STAG1: variants seen among roughly 807,000 people sequenced by gnomAD.
STAG1 encodes cohesin subunit SA-1.
STAG1 carries 26 observed loss-of-function variants against 170.9 expected under a neutral mutation model. That is an observed-to-expected ratio of 0.15 (90% confidence interval 0.11 to 0.21). STAG1 has a LOEUF of 0.21. Among genes scored for constraint, STAG1 ranks in the 10% least tolerant of loss-of-function variants. STAG1 has a pLI of 1.00. For synonymous variants in STAG1, 514 were observed against 497.7 expected (o/e 1.03, Z -0.44); for missense variants, 964 against 1,509.5 (o/e 0.64, Z 5.99).
At chr3:136,464,488 A>G (rs984659712) in intron 13 of STAG1, among the ~76,000 whole-genome samples, 2 of 152,156 alleles carry the variant, frequency 1.3e-5, no homozygotes, top group African/African-American at 4.8e-5. Context: ...GAAAATTTGG[A>G]AGGCATTTTA....
chr3:136,594,221 T>C (rs762343316), intron 4 of STAG1, among the ~76,000 whole-genome samples: 2 of 152,168 alleles, frequency 1.3e-5, no homozygotes, highest in African/African-American at 4.8e-5. Flanking sequence ...GGTATAGTCA[T>C]AGAGTAAAAC....
chr3:136,598,103 T>C (rs1938510493), intron 4 of STAG1, among the ~76,000 whole-genome samples: 1 of 152,216 alleles, frequency 6.6e-6, no homozygotes, highest in East Asian at 1.9e-4. Flanking sequence ...AAAGATTTTC[T>C]AATATTAAAC....
chr3:136,714,950 T>C (rs1485408225), intron 1 of STAG1, among the ~76,000 whole-genome samples: 2 of 74,556 alleles, frequency 2.7e-5, no homozygotes, highest in Non-Finnish European at 3.2e-5. Flanking sequence ...TATATATATA[T>C]ATATATATAT....
intron 1 of STAG1, among the ~76,000 whole-genome samples, chr3:136,709,080 A>C (rs1438014810): frequency 1.3e-5 from 2 of 148,906 alleles, no homozygotes; most frequent in African/African-American, 4.9e-5. Flanking sequence ...ACATGAGGTC[A>C]GGGGTTCAAG....
chr3:136,733,274 C>T (rs1359012458), intron 1 of STAG1, among the ~76,000 whole-genome samples: 2 of 151,592 alleles, frequency 1.3e-5, no homozygotes, highest in Non-Finnish European at 2.9e-5. Context: ...TTTGTAGAGA[C>T]AGGGTTTCGC....
chr3:136,539,478 A>C (rs1935791857), intron 6 of STAG1, among the ~76,000 whole-genome samples: 1 of 152,222 alleles, frequency 6.6e-6, no homozygotes, highest in African/African-American at 2.4e-5. Context: ...CACTAAATGA[A>C]TATATTAAAT....
At position 136,477,422 on chromosome 3, in the gene STAG1, GAA is replaced by G. The variant is rs760695788; in HGVS notation, c.903-12_903-11del. On this transcript the variant is annotated splice_polypyrimidine_tract_variant and intron_variant, in intron 9 of 33. Transcript: ENST00000383202. ...CTCAGCAATAGCATCACTAGAGAGA[GAA>G]AAAAAAGACAATCTCAAATTAATAT... 7 of 1,577,862 alleles carry G rather than the reference GAA, an allele frequency of 4.4e-6. No individual in the cohort carries two copies. Among genetic ancestry groups the G allele is most frequent in the South Asian group, 1.2e-5 (1 of 84,534 alleles).
At position 136,647,342 on chromosome 3, in the gene STAG1, G is replaced by A. The variant is rs567675828; in HGVS notation, c.-83-16361C>T. Among the ~76,000 whole-genome samples, 104 of 152,262 alleles carry A rather than the reference G, an allele frequency of 6.8e-4. 1 individual carries two copies. In the South Asian group the frequency reaches 0.021, roughly 31 times the overall value. Reference sequence around the variant, plus strand: ...TCCCAGCACTTTGGGAGGCCCAGGCGGGCGATCACCTGAGGTCAGGAGTTT... The same window carrying A: ...TCCCAGCACTTTGGGAGGCCCAGGCAGGCGATCACCTGAGGTCAGGAGTTT... On this transcript the variant is annotated intron_variant, in intron 1 of 33. Coordinates refer to ENST00000383202, the MANE Select transcript of STAG1 (RefSeq NM_005862.3).
chr3:136,564,077 T>A (rs1402654192), intron 5 of STAG1, among the ~76,000 whole-genome samples: 1 of 152,150 alleles, frequency 6.6e-6, no homozygotes, highest in Non-Finnish European at 1.5e-5. Flanking sequence ...TTCCTCATTC[T>A]TTTTTACAGT....
At chr3:136,404,716 A>G (rs907575505) in intron 21 of STAG1, among the ~76,000 whole-genome samples, 5 of 152,206 alleles carry the variant, frequency 3.3e-5, no homozygotes, top group African/African-American at 1.2e-4. Flanking sequence ...GCTTGTGGCT[A>G]ATGACAGATA....
intron 1 of STAG1, among the ~76,000 whole-genome samples, chr3:136,668,717 G>A (rs1002702543): frequency 7.9e-5 from 12 of 152,120 alleles, no homozygotes; most frequent in South Asian, 4.1e-4. Context: ...TGGTCAGACC[G>A]TAGTATCTAC....
chr3:136,474,592 G>A (rs2089699761), intron 10 of STAG1, among the ~76,000 whole-genome samples: 3 of 152,182 alleles, frequency 2.0e-5, no homozygotes, highest in Admixed American at 1.3e-4. Flanking sequence ...AGATGTCAAT[G>A]AACTCATTTA....
intron 7 of STAG1, among the ~76,000 whole-genome samples, chr3:136,505,766 A>G (rs1933727469): frequency 6.6e-6 from 1 of 152,212 alleles, no homozygotes; most frequent in African/African-American, 2.4e-5. Context: ...CACGTCAGTT[A>G]ATGATTAAGG....
chr3:136,439,485 T>C (rs1249516976), intron 15 of STAG1, among the ~76,000 whole-genome samples: 2 of 151,120 alleles, frequency 1.3e-5, no homozygotes, highest in Non-Finnish European at 2.9e-5. Context: ...TTTAAACTGA[T>C]GTTGGTAGTC....
intron 1 of STAG1, among the ~76,000 whole-genome samples, chr3:136,703,388 T>A (rs1943135028): frequency 6.6e-6 from 1 of 152,192 alleles, no homozygotes; most frequent in Non-Finnish European, 1.5e-5. Flanking sequence ...GATGTCAGGG[T>A]GGACAATAAG....
At chr3:136,508,263 T>G (rs1374719693) in intron 7 of STAG1, among the ~76,000 whole-genome samples, 1 of 152,194 alleles carries the variant, frequency 6.6e-6, no homozygotes, top group Non-Finnish European at 1.5e-5. Flanking sequence ...TTTTGTATGG[T>G]TAACACCTAT....
At chr3:136,568,639 A>AG in intron 5 of STAG1, 126 bp downstream of exon 5, 1 of 714,684 alleles carries the variant, frequency 1.4e-6, no homozygotes, top group Non-Finnish European at 2.4e-6. Flanking sequence ...ATTCTCTATC[A>AG]GAAAAAGATT....
intron 1 of STAG1, among the ~76,000 whole-genome samples, chr3:136,713,068 G>A (rs1943428590): frequency 1.3e-5 from 2 of 152,000 alleles, no homozygotes; most frequent in African/African-American, 4.8e-5. Flanking sequence ...CTCCAGGCAG[G>A]GCAACAAAAG....
At chr3:136,609,419 A>T (rs1939142404) in intron 3 of STAG1, 1 of 145,092 alleles carries the variant, frequency 6.9e-6, no homozygotes, top group Non-Finnish European at 1.5e-5. Flanking sequence ...AGATACATAT[A>T]TATATATATA....
Sources: allele counts gnomAD v4.1 joint callset (sites outside exome capture counted in the v4.1 genomes callset), GRCh38; gene constraint gnomAD v4.1.1; transcripts MANE v1.5; gene names NCBI Gene and HGNC (gene_info 2026-07-23, HGNC 2026-07-21).